ATP8A2: variants seen among roughly 807,000 people sequenced by gnomAD.
ATP8A2 encodes ATPase phospholipid transporting 8A2.
A neutral mutation model predicts 165.6 loss-of-function variants in ATP8A2; 100 were observed. That is an observed-to-expected ratio of 0.60 (90% CI 0.51 to 0.71). The LOEUF is 0.71. Among genes scored for constraint, ATP8A2 ranks in the 30% least tolerant of loss-of-function variants. ATP8A2 has a pLI of 0.00. For missense variants in ATP8A2, 1,227 were observed against 1,479.5 expected (o/e 0.83, Z 2.80); for synonymous variants, 543 against 548.8 (o/e 0.99, Z 0.15).
At chr13:25,492,379 AT>A (rs1287051670) in intron 2 of ATP8A2, among the ~76,000 whole-genome samples, 3 of 152,092 alleles carry the variant, frequency 2.0e-5, no homozygotes, top group Non-Finnish European at 4.4e-5. Flanking sequence ...AATAAAGACT[AT>A]TTTTGCTGTT....
At chr13:25,782,470 G>A (rs1009115447) in intron 27 of ATP8A2, among the ~76,000 whole-genome samples, 1 of 152,164 alleles carries the variant, frequency 6.6e-6, no homozygotes, top group African/African-American at 2.4e-5. Flanking sequence ...GGGACATGCT[G>A]CACAGAGTTC....
chr13:25,973,767 T>C (rs994527403), intron 35 of ATP8A2, among the ~76,000 whole-genome samples: 1 of 152,196 alleles, frequency 6.6e-6, no homozygotes, highest in Non-Finnish European at 1.5e-5. Context: ...TGAGCCAGCC[T>C]GAGGCAGGAG....
chr13:25,680,427 G>A (rs1287319678), intron 24 of ATP8A2, among the ~76,000 whole-genome samples: 2 of 152,148 alleles, frequency 1.3e-5, no homozygotes. Flanking sequence ...GAGGGAGTGT[G>A]GCTACCTTGA....
intron 1 of ATP8A2, among the ~76,000 whole-genome samples, chr13:25,388,791 AAACACGGGAG>A (rs2033146094): frequency 6.6e-6 from 1 of 152,172 alleles, no homozygotes; most frequent in African/African-American, 2.4e-5. Flanking sequence ...GGAGGGAGCT[AAACACGGGAG>A]CAGTGACACG....
chr13:25,544,868 G>A (rs1211816135), intron 10 of ATP8A2, among the ~76,000 whole-genome samples: 1 of 151,724 alleles, frequency 6.6e-6, no homozygotes, highest in East Asian at 1.9e-4. Flanking sequence ...CGGGGGAGGG[G>A]CAGAAGGTAG....
At chr13:25,676,235 G>T (rs949351975) in intron 24 of ATP8A2, among the ~76,000 whole-genome samples, 1 of 152,138 alleles carries the variant, frequency 6.6e-6, no homozygotes, top group Admixed American at 6.5e-5. Flanking sequence ...AAGCATAGAT[G>T]TCTTTAAAAT....
At chr13:25,660,173 G>T (rs143905027) in intron 24 of ATP8A2, among the ~76,000 whole-genome samples, 1 of 152,214 alleles carries the variant, frequency 6.6e-6, no homozygotes, top group South Asian at 2.1e-4. Context: ...GAAGCCAGTG[G>T]GTTCCTTTCA....
chr13:25,544,060 G>C (rs746003729), intron 10 of ATP8A2, among the ~76,000 whole-genome samples: 1 of 152,172 alleles, frequency 6.6e-6, no homozygotes, highest in Non-Finnish European at 1.5e-5. Context: ...CAGCTTGTCT[G>C]TTCTTTTGTA....
At chr13:25,964,895 C>T (rs1215190451) in intron 34 of ATP8A2, among the ~76,000 whole-genome samples, 1 of 152,216 alleles carries the variant, frequency 6.6e-6, no homozygotes, top group Non-Finnish European at 1.5e-5. Flanking sequence ...CACAGTGGCT[C>T]ACACCTGTAA....
At chr13:25,391,242 T>C (rs1339014382) in intron 1 of ATP8A2, among the ~76,000 whole-genome samples, 1 of 152,186 alleles carries the variant, frequency 6.6e-6, no homozygotes, top group South Asian at 2.1e-4. Flanking sequence ...TATAAATGAA[T>C]CCAGCTCAAG....
intron 8 of ATP8A2, among the ~76,000 whole-genome samples, chr13:25,541,683 G>A (rs1334010737): frequency 1.3e-5 from 2 of 152,176 alleles, no homozygotes; most frequent in East Asian, 3.8e-4. Context: ...TAGTACAGTG[G>A]TGGAATCTTA....
At chr13:25,763,058 A>G (rs1414651093) in intron 25 of ATP8A2, among the ~76,000 whole-genome samples, 2 of 152,128 alleles carry the variant, frequency 1.3e-5, no homozygotes, top group African/African-American at 4.8e-5. Context: ...GGGCTCCATA[A>G]CACCTTCATC....
intron 35 of ATP8A2, among the ~76,000 whole-genome samples, chr13:25,977,651 T>G (rs568425817): frequency 1.2e-4 from 19 of 152,362 alleles, no homozygotes; most frequent in African/African-American, 4.6e-4. Flanking sequence ...GTTGTTGTTG[T>G]TATTGTTCTT....
At chr13:25,513,021 A>G (rs971043453) in intron 2 of ATP8A2, among the ~76,000 whole-genome samples, 2 of 98,754 alleles carry the variant, frequency 2.0e-5, no homozygotes, top group Admixed American at 9.8e-5. Flanking sequence ...GACCCCCCCC[A>G]CCTCCCTCCC....
chr13:25,608,467 C>T (rs1361095727), intron 24 of ATP8A2, among the ~76,000 whole-genome samples: 2 of 149,898 alleles, frequency 1.3e-5, no homozygotes, highest in African/African-American at 2.4e-5. Context: ...GAGCAGTCAT[C>T]ATTAAATCTC....
chr13:25,917,746 G>T (rs2139017039), intron 33 of ATP8A2, among the ~76,000 whole-genome samples: 1 of 152,292 alleles, frequency 6.6e-6, no homozygotes, highest in Middle Eastern at 3.4e-3. Flanking sequence ...TTCTATTTTG[G>T]TGAAGTTTTA....
At chr13:25,912,155 G>GAC (rs3056187) in intron 33 of ATP8A2, among the ~76,000 whole-genome samples, 2,088 of 141,212 alleles carry the variant, frequency 0.015, 24 homozygotes, top group Middle Eastern at 0.017. Context: ...GAAAATGTGA[G>GAC]ACACACACAC....
intron 25 of ATP8A2, among the ~76,000 whole-genome samples, chr13:25,764,690 T>C (rs1030831116): frequency 3.3e-5 from 5 of 152,238 alleles, no homozygotes; most frequent in Admixed American, 6.5e-5. Context: ...GACAGTGGTT[T>C]TCAAACTTCC....
chr13:25,393,295 A>T (rs766575050), intron 1 of ATP8A2, among the ~76,000 whole-genome samples: 2 of 151,788 alleles, frequency 1.3e-5, no homozygotes, highest in South Asian at 2.1e-4. Context: ...ATGCTTGGCT[A>T]ATTATCTTTT....
Sources: allele counts gnomAD v4.1 joint callset (sites outside exome capture counted in the v4.1 genomes callset), GRCh38; gene constraint gnomAD v4.1.1; transcripts MANE v1.5; gene names NCBI Gene and HGNC (gene_info 2026-07-23, HGNC 2026-07-21).